STK39: variants seen among roughly 807,000 people sequenced by gnomAD.
STK39 encodes serine/threonine kinase 39, also known as STE20/SPS1-related proline-alanine-rich protein kinase.
Under a neutral mutation model 77.8 loss-of-function variants are expected in STK39, and 20 were observed. That is an observed-to-expected ratio of 0.26 (90% CI 0.18 to 0.37). The LOEUF (loss-of-function observed/expected upper bound fraction) is 0.37. STK39 is among the 10% of genes least tolerant of loss of function. The probability of loss-of-function intolerance (pLI) is 1.00; values close to 1 mark genes in which losing one functional copy is unlikely to be tolerated. For synonymous variants in STK39, 246 were observed against 234.1 expected (o/e 1.05, Z -0.47); for missense variants, 479 against 656.5 (o/e 0.73, Z 2.95).
intron 10 of STK39, among the ~76,000 whole-genome samples, chr2:168,120,181 GCCTAA>G (rs1265739337): frequency 2.0e-5 from 3 of 151,930 alleles, no homozygotes; most frequent in Non-Finnish European, 4.4e-5. Context: ...TTATCCTCTG[GCCTAA>G]CCTATTTAAC....
intron 5 of STK39, among the ~76,000 whole-genome samples, chr2:168,144,520 G>A (rs1688081383): frequency 6.6e-6 from 1 of 151,626 alleles, no homozygotes; most frequent in Non-Finnish European, 1.5e-5. Context: ...TGCCCAAGGT[G>A]TTCTCAAACT....
At chr2:167,966,763 C>T (rs1428670769) in intron 16 of STK39, among the ~76,000 whole-genome samples, 1 of 152,168 alleles carries the variant, frequency 6.6e-6, no homozygotes, top group Non-Finnish European at 1.5e-5. Flanking sequence ...ATTAAAAATT[C>T]AAATTCTGTC....
intron 1 of STK39, among the ~76,000 whole-genome samples, chr2:168,203,081 A>C (rs7605161): frequency 0.44 from 66,773 of 151,936 alleles, 16,924 homozygotes; most frequent in East Asian, 0.77. Flanking sequence ...CTGTGTCCTG[A>C]AGATGTTTAG....
chr2:168,203,503 G>T (rs1160648660), intron 1 of STK39, among the ~76,000 whole-genome samples: 1 of 152,128 alleles, frequency 6.6e-6, no homozygotes, highest in East Asian at 1.9e-4. Context: ...ATAAAGTTGG[G>T]GCTCCACAGA....
intron 12 of STK39, among the ~76,000 whole-genome samples, chr2:168,072,431 A>T (rs1364122055): frequency 6.6e-6 from 1 of 152,126 alleles, no homozygotes; most frequent in African/African-American, 2.4e-5. Context: ...CTAAAATTAC[A>T]ACTTCCCACC....
At chr2:168,135,213 G>A (rs1225780096) in intron 8 of STK39, among the ~76,000 whole-genome samples, 1 of 151,492 alleles carries the variant, frequency 6.6e-6, no homozygotes, top group East Asian at 1.9e-4. Flanking sequence ...TCAACATACT[G>A]TAGTTATTGC....
chr2:167,969,400 G>T (rs918335226), intron 16 of STK39, among the ~76,000 whole-genome samples: 1 of 152,130 alleles, frequency 6.6e-6, no homozygotes, highest in African/African-American at 2.4e-5. Context: ...TTTTTAACAT[G>T]GTCAGTGAGA....
chr2:168,210,139 C>T (rs934338964), intron 1 of STK39, among the ~76,000 whole-genome samples: 11 of 151,986 alleles, frequency 7.2e-5, no homozygotes, highest in African/African-American at 2.2e-4. Flanking sequence ...AAAAATGGCA[C>T]ACCAACTCTG....
intron 1 of STK39, among the ~76,000 whole-genome samples, chr2:168,189,182 G>C (rs548943712): frequency 6.6e-6 from 1 of 152,312 alleles, no homozygotes; most frequent in East Asian, 1.9e-4. Flanking sequence ...TTTCACCACT[G>C]ACCTGGATAA....
intron 12 of STK39, among the ~76,000 whole-genome samples, chr2:168,067,723 A>C (rs1685832074): frequency 6.6e-6 from 1 of 152,170 alleles, no homozygotes; most frequent in Non-Finnish European, 1.5e-5. Flanking sequence ...TACTCTTCTA[A>C]GTGTAAAAAC....
intron 5 of STK39, among the ~76,000 whole-genome samples, chr2:168,145,383 G>A (rs1490386783): frequency 1.3e-5 from 2 of 152,146 alleles, no homozygotes; most frequent in Non-Finnish European, 2.9e-5. Flanking sequence ...GCTGGGCCCT[G>A]TGTGAAGCCC....
At chr2:168,223,433 A>G (rs1293029809) in intron 1 of STK39, among the ~76,000 whole-genome samples, 1 of 149,620 alleles carries the variant, frequency 6.7e-6, no homozygotes. Context: ...AATTGCTTGA[A>G]CCAGGAGGCA....
intron 16 of STK39, among the ~76,000 whole-genome samples, chr2:167,970,928 C>A (rs1333801354): frequency 6.6e-6 from 1 of 152,186 alleles, no homozygotes; most frequent in African/African-American, 2.4e-5. Flanking sequence ...CCCCTGGAGT[C>A]TCTCTAAATC....
At chr2:167,973,453 T>C (rs1343819463) in intron 16 of STK39, among the ~76,000 whole-genome samples, 1 of 152,186 alleles carries the variant, frequency 6.6e-6, no homozygotes, top group Non-Finnish European at 1.5e-5. Context: ...AGAAAGGATT[T>C]TGTATAGTAA....
intron 2 of STK39, among the ~76,000 whole-genome samples, chr2:168,174,834 A>G (rs1345155872): frequency 5.6e-5 from 8 of 143,106 alleles, no homozygotes; most frequent in Non-Finnish European, 9.2e-5. Context: ...TCATCTCTTA[A>G]AAAAAAAAAA....
At position 168,247,061 on chromosome 2, in the gene STK39, TAAAAAA is replaced by T. The variant is rs755613797; in HGVS notation, c.208+161_208+166del. Among the ~76,000 whole-genome samples, 315 of 89,284 alleles carry T rather than the reference TAAAAAA, an allele frequency of 3.5e-3. 4 individuals are homozygous for T. Among genetic ancestry groups the T allele is most frequent in the East Asian group, 0.028 (98 of 3,498 alleles). 58.6% of individuals were successfully genotyped at this position (89,284 alleles called of 152,430 possible). A position where few individuals can be genotyped will look rare whatever the true frequency, so the allele number is the denominator to read the frequency against. ...TAGAACGAACAAATACATTAAAAATTAAAAAAAAAAAAAAAAAAAAAAAAAAAACTG... is the reference window on the plus strand; with the variant it reads ...TAGAACGAACAAATACATTAAAAATTAAAAAAAAAAAAAAAAAAAAAACTG... On this transcript the variant is annotated intron_variant, in intron 1 of 17. Coordinates refer to ENST00000355999, the MANE Select transcript of STK39 (RefSeq NM_013233.3).
intron 10 of STK39, among the ~76,000 whole-genome samples, chr2:168,104,961 C>T (rs568492994): frequency 9.2e-5 from 14 of 151,820 alleles, no homozygotes; most frequent in Non-Finnish European, 2.1e-4. Context: ...TAGGTAGTAA[C>T]AAAAAGGAAT....
chr2:168,148,349 A>T (rs1386651440), intron 5 of STK39, among the ~76,000 whole-genome samples: 2 of 152,186 alleles, frequency 1.3e-5, no homozygotes, highest in Non-Finnish European at 1.5e-5. Flanking sequence ...CTCTGAGTGC[A>T]AACTGGGAGG....
chr2:168,140,191 C>T (rs1300213137), intron 7 of STK39, 98 bp downstream of exon 7: 3 of 1,055,428 alleles, frequency 2.8e-6, no homozygotes, highest in African/African-American at 1.6e-5. Context: ...TAATTCTCCT[C>T]GGGTCTAAGA....
Sources: gnomAD v4.1 joint callset for allele counts (sites outside exome capture counted in the v4.1 genomes callset) on GRCh38, gnomAD v4.1.1 for gene constraint, MANE v1.5 for transcripts, NCBI Gene and HGNC (gene_info 2026-07-23, HGNC 2026-07-21) for gene names.